AKAP7: variants seen among roughly 807,000 people sequenced by gnomAD.
AKAP7 encodes the protein A kinase (PRKA) anchor protein 7.
Under a neutral mutation model 39.5 loss-of-function variants are expected in AKAP7, and 39 were observed. That is an observed-to-expected ratio of 0.99 (90% confidence interval 0.76 to 1.29). The LOEUF (loss-of-function observed/expected upper bound fraction) is 1.29. AKAP7 is among the 50% of genes most tolerant of loss of function. The probability of loss-of-function intolerance (pLI) is 0.00; values close to 1 mark genes in which losing one functional copy is unlikely to be tolerated. For synonymous variants in AKAP7, 140 were observed against 139.1 expected (o/e 1.01, Z -0.05); for missense variants, 414 against 407.7 (o/e 1.02, Z -0.13).
intron 7 of AKAP7, among the ~76,000 whole-genome samples, chr6:131,222,168 A>ATGG (rs1809755989): frequency 6.6e-6 from 1 of 152,184 alleles, no homozygotes; most frequent in African/African-American, 2.4e-5. Context: ...TCCAGCCCTC[A>ATGG]TGGATGACTT....
intron 7 of AKAP7, among the ~76,000 whole-genome samples, chr6:131,271,159 G>A (rs973601959): frequency 6.6e-6 from 1 of 152,144 alleles, no homozygotes; most frequent in Non-Finnish European, 1.5e-5. Context: ...TCACTAAGAA[G>A]TTCTTCTGTG....
chr6:131,265,454 C>T lies in AKAP7; in HGVS notation c.851-16076C>T, dbSNP rs1813707411. Among the ~76,000 whole-genome samples, 3 of 152,132 alleles carry T rather than the reference C, an allele frequency of 2.0e-5. No homozygotes were observed. In the South Asian group the frequency reaches 6.2e-4, roughly 32 times the overall value. ...TTCTTACTTAATTTTGACAGCAGCC[C>T]TGTGGTGTAGAACTACTGTTTTCCC... On this transcript the variant is annotated intron_variant, in intron 7 of 7. Transcript: ENST00000431975.
chr6:131,130,035 AG>A, the AKAP7 span, among the ~76,000 whole-genome samples: 1 of 152,250 alleles, frequency 6.6e-6, no homozygotes, highest in African/African-American at 2.4e-5. Flanking sequence ...GGAGTCGGGC[AG>A]GGTGAATGAG....
rs531582478 is a variant in AKAP7 at position 131,207,491 on chromosome 6, ATTTTTTTTTTTT to A, written c.702+7933_702+7944del. ...TGCACACCATGCCTGGCTAATTAAA[ATTTTTTTTTTTT>A]TTTTTTTTTTTTTTAGATATGGGGT... is the stretch of plus-strand genomic sequence containing the variant. On this transcript the variant is annotated intron_variant, in intron 6 of 7. Transcript: ENST00000431975. Among the ~76,000 whole-genome samples the A allele has an allele frequency of 5.7e-4, 45 of 78,796 alleles. 2 individuals carry two copies. Among genetic ancestry groups the A allele is most frequent in the African/African-American group, 2.0e-3 (41 of 20,146 alleles). 51.7% of individuals were successfully genotyped at this position (78,796 alleles called of 152,430 possible).
At chr6:131,222,583 G>A (rs1310936360) in intron 7 of AKAP7, among the ~76,000 whole-genome samples, 2 of 152,106 alleles carry the variant, frequency 1.3e-5, no homozygotes, top group African/African-American at 4.8e-5. Flanking sequence ...AGTGAAGCCT[G>A]AAGATGGGAT....
At chr6:131,227,129 T>G (rs1286827509) in intron 7 of AKAP7, among the ~76,000 whole-genome samples, 1 of 152,134 alleles carries the variant, frequency 6.6e-6, no homozygotes, top group Non-Finnish European at 1.5e-5. Context: ...AGTAAAAGAA[T>G]TCAGCTGAAT....
At chr6:131,204,079 G>T (rs1040026639) in intron 6 of AKAP7, among the ~76,000 whole-genome samples, 3 of 152,042 alleles carry the variant, frequency 2.0e-5, no homozygotes, top group Non-Finnish European at 4.4e-5. Flanking sequence ...ACTATCAGAG[G>T]TCATATAAAA....
chr6:131,208,675 A>G lies in AKAP7; in HGVS notation c.702+9102A>G, dbSNP rs189897153. Among the ~76,000 whole-genome samples the G allele has an allele frequency of 1.9e-4, 29 of 152,360 alleles. No homozygotes were observed. In the East Asian group the frequency reaches 5.0e-3, roughly 26 times the overall value. The stretch of plus-strand genomic sequence containing the variant: ...TTAAGTAAAGTTAATCAAATTCTTT[A>G]TGTCAGAACTTCTTAGGTTCTCTGA... On this transcript the variant is annotated intron_variant, in intron 6 of 7. Coordinates refer to ENST00000431975, the MANE Select transcript of AKAP7 (RefSeq NM_016377.4).
At chr6:131,185,134 C>T (rs1585038199) in intron 5 of AKAP7, 1 of 610,182 alleles carries the variant, frequency 1.6e-6, no homozygotes, top group Non-Finnish European at 3.2e-6. Flanking sequence ...AACAGAACCT[C>T]TAAACTGCTG....
chr6:131,172,707 C>T (rs1315725048), intron 5 of AKAP7, among the ~76,000 whole-genome samples: 1 of 151,984 alleles, frequency 6.6e-6, no homozygotes, highest in East Asian at 1.9e-4. Flanking sequence ...GCCAGACCAT[C>T]AAAAAAATTG....
intron 7 of AKAP7, among the ~76,000 whole-genome samples, chr6:131,225,005 C>T (rs1330908797): frequency 6.6e-6 from 1 of 152,030 alleles, no homozygotes; most frequent in Non-Finnish European, 1.5e-5. Context: ...GATCCACCAC[C>T]TGTGCCTCCC....
At chr6:131,239,601 T>G (rs935456236) in intron 7 of AKAP7, among the ~76,000 whole-genome samples, 5 of 152,158 alleles carry the variant, frequency 3.3e-5, no homozygotes, top group African/African-American at 1.2e-4. Flanking sequence ...AGGCTTTGTT[T>G]GTTTCTTTTT....
intron 2 of AKAP7, among the ~76,000 whole-genome samples, chr6:131,148,110 A>G (rs1801621352): frequency 6.6e-6 from 1 of 152,186 alleles, no homozygotes; most frequent in Admixed American, 6.5e-5. Flanking sequence ...CATTGGAGGG[A>G]TGGCCAGTTC....
intron 1 of AKAP7, among the ~76,000 whole-genome samples, chr6:131,143,429 C>G (rs1264335182): frequency 6.6e-6 from 1 of 152,136 alleles, no homozygotes; most frequent in East Asian, 1.9e-4. Flanking sequence ...TGCTGTTTTT[C>G]TTGACGTGTG....
In AKAP7 at chr6:131,145,785, C is replaced by G. The variant is rs572374465; in HGVS notation, c.151+369C>G. 6.2e-4 allele frequency among the ~76,000 whole-genome samples: 95 copies of G among 152,266 alleles called. 1 individual carries two copies. In the South Asian group the frequency reaches 0.019, roughly 31 times the overall value. On this transcript the variant is annotated intron_variant, in intron 2 of 7. Coordinates refer to ENST00000431975, the MANE Select transcript of AKAP7 (RefSeq NM_016377.4). Reference sequence around the variant, plus strand: ...CCCAGGCTGGTCTCAAACTCCTGGGCTCAAGCCATCCTCCTGCCTTGGCCT... The same window carrying G: ...CCCAGGCTGGTCTCAAACTCCTGGGGTCAAGCCATCCTCCTGCCTTGGCCT...
intron 7 of AKAP7, chr6:131,250,264 A>T (rs1812334022): frequency 1.7e-6 from 2 of 1,166,746 alleles, no homozygotes; most frequent in Non-Finnish European, 1.1e-6. Flanking sequence ...GCACTGACCT[A>T]TGGCCAGGGA....
chr6:131,253,340 C>G (rs1274347893), intron 7 of AKAP7, among the ~76,000 whole-genome samples: 1 of 152,086 alleles, frequency 6.6e-6, no homozygotes, highest in African/African-American at 2.4e-5. Flanking sequence ...TGAATTGATA[C>G]ATAATCGTTG....
At chr6:131,265,867 A>G (rs752663865) in intron 7 of AKAP7, among the ~76,000 whole-genome samples, 2 of 152,138 alleles carry the variant, frequency 1.3e-5, no homozygotes, top group Non-Finnish European at 2.9e-5. Flanking sequence ...TGGGGGGAAA[A>G]CCCAGGCACA....
At chr6:131,219,024 T>C (rs576484699) in intron 6 of AKAP7, among the ~76,000 whole-genome samples, 1 of 152,284 alleles carries the variant, frequency 6.6e-6, no homozygotes, top group South Asian at 2.1e-4. Flanking sequence ...ATCCCAGCAC[T>C]TTGGGAGGCC....
Sources: gnomAD v4.1 joint callset for allele counts (sites outside exome capture counted in the v4.1 genomes callset) on GRCh38, gnomAD v4.1.1 for gene constraint, MANE v1.5 for transcripts, NCBI Gene and HGNC (gene_info 2026-07-23, HGNC 2026-07-21) for gene names.